VTI1A: variants seen among roughly 807,000 people sequenced by gnomAD.
VTI1A encodes the protein vesicle transport through interaction with t-SNAREs 1A, also known as vesicle transport through interaction with t-SNAREs homolog 1A.
Under a neutral mutation model 34.9 loss-of-function variants are expected in VTI1A, and 22 were observed. That is an observed-to-expected ratio of 0.63 (90% CI 0.45 to 0.90). The LOEUF (loss-of-function observed/expected upper bound fraction) is 0.90. Ranked by LOEUF, VTI1A falls within the 40% of genes least tolerant of loss-of-function variation. The pLI is 0.00. For missense variants in VTI1A, 268 were observed against 275.6 expected, an observed-to-expected ratio of 0.97 and a Z score of 0.20; for synonymous variants, 87 against 97.3, an observed-to-expected ratio of 0.89 and a Z score of 0.62.
intron 7 of VTI1A, among the ~76,000 whole-genome samples, chr10:112,772,778 G>A (rs1851849661): frequency 6.6e-6 from 1 of 152,158 alleles, no homozygotes; most frequent in African/African-American, 2.4e-5. Context: ...GTACAGCCAT[G>A]TTTTTGAAGG....
At chr10:112,513,445 T>G (rs1033887185) in intron 3 of VTI1A, among the ~76,000 whole-genome samples, 2 of 152,066 alleles carry the variant, frequency 1.3e-5, no homozygotes, top group African/African-American at 4.8e-5. Flanking sequence ...GGTGGCATCT[T>G]TAGGGTTTTC....
chr10:112,730,556 C>A (rs1163953987), intron 7 of VTI1A, among the ~76,000 whole-genome samples: 1 of 151,352 alleles, frequency 6.6e-6, no homozygotes, highest in Non-Finnish European at 1.5e-5. Flanking sequence ...CTATGTATTA[C>A]AACATCTACT....
chr10:112,453,953 C>T (rs1564782444), intron 1 of VTI1A, among the ~76,000 whole-genome samples: 1 of 152,170 alleles, frequency 6.6e-6, no homozygotes, highest in Non-Finnish European at 1.5e-5. Flanking sequence ...CATATGTAAT[C>T]ATTTGTATAT....
At chr10:112,660,881 A>G (rs1009077981) in intron 5 of VTI1A, among the ~76,000 whole-genome samples, 7 of 152,170 alleles carry the variant, frequency 4.6e-5, no homozygotes, top group Admixed American at 1.3e-4. Context: ...CTTTTGTGCT[A>G]GTTTTCATAC....
intron 3 of VTI1A, among the ~76,000 whole-genome samples, chr10:112,525,510 A>G (rs1215084783): frequency 1.3e-5 from 2 of 152,200 alleles, no homozygotes; most frequent in East Asian, 3.9e-4. Flanking sequence ...CAGTTTAACC[A>G]GAGCTACCTT....
intron 7 of VTI1A, among the ~76,000 whole-genome samples, chr10:112,704,895 C>T (rs752495492): frequency 6.6e-6 from 1 of 151,876 alleles, no homozygotes; most frequent in Non-Finnish European, 1.5e-5. Context: ...TTTTAATTTA[C>T]TTATTTTTCA....
intron 4 of VTI1A, among the ~76,000 whole-genome samples, chr10:112,532,602 C>T (rs1005223593): frequency 6.6e-6 from 1 of 152,012 alleles, no homozygotes; most frequent in Non-Finnish European, 1.5e-5. Flanking sequence ...AGTTAAACAG[C>T]TTGTTTTATC....
intron 3 of VTI1A, among the ~76,000 whole-genome samples, chr10:112,471,693 T>A (rs935986643): frequency 6.6e-6 from 1 of 152,074 alleles, no homozygotes. Context: ...AAAAAAAAAA[T>A]TAGAATTCCT....
chr10:112,447,034 AG>A, upstream of VTI1A: 7 of 300,106 alleles, frequency 2.3e-5, no homozygotes, highest in Admixed American at 8.2e-5. Context: ...GCCGATTCCC[AG>A]AACACGAAGG....
chr10:112,739,254 G>A (rs978080492), intron 7 of VTI1A, among the ~76,000 whole-genome samples: 2 of 152,080 alleles, frequency 1.3e-5, no homozygotes, highest in South Asian at 4.1e-4. Context: ...CCACTTGGGG[G>A]GTTGAACTCA....
chr10:112,675,614 A>C (rs1164870644), intron 7 of VTI1A, among the ~76,000 whole-genome samples: 1 of 152,224 alleles, frequency 6.6e-6, no homozygotes, highest in Non-Finnish European at 1.5e-5. Flanking sequence ...AGAACCGAGA[A>C]ATAACAACAC....
chr10:112,702,523 G>A (rs1849045273), intron 7 of VTI1A, among the ~76,000 whole-genome samples: 1 of 151,738 alleles, frequency 6.6e-6, no homozygotes, highest in Non-Finnish European at 1.5e-5. Flanking sequence ...AAGTTCAAGT[G>A]ATTCTTGTGC....
At chr10:112,618,524 T>TATATATATATATAGAGAGAGAG (rs748276058) in intron 5 of VTI1A, among the ~76,000 whole-genome samples, 4 of 34,580 alleles carry the variant, frequency 1.2e-4, no homozygotes, top group African/African-American at 1.6e-4. Context: ...TATATATATA[T>TATATATATATATAGAGAGAGAG]AGAGAGAGAG....
chr10:112,810,230 C>G (rs1391265827), intron 7 of VTI1A, among the ~76,000 whole-genome samples: 1 of 151,740 alleles, frequency 6.6e-6, no homozygotes, highest in Non-Finnish European at 1.5e-5. Flanking sequence ...CGGTGAAACC[C>G]CATCTCTACT....
At chr10:112,837,476 C>T in the VTI1A span, among the ~76,000 whole-genome samples, 1 of 152,198 alleles carries the variant, frequency 6.6e-6, no homozygotes, top group African/African-American at 2.4e-5. Flanking sequence ...CGTGGGAACC[C>T]TCCCCCACAG....
At chr10:112,689,648 G>C (rs1437080446) in intron 7 of VTI1A, among the ~76,000 whole-genome samples, 3 of 152,086 alleles carry the variant, frequency 2.0e-5, no homozygotes, top group African/African-American at 7.2e-5. Flanking sequence ...GTATTTCCTC[G>C]GGGCAGCTAA....
At chr10:112,486,758 C>T (rs551617893) in intron 3 of VTI1A, among the ~76,000 whole-genome samples, 108 of 140,794 alleles carry the variant, frequency 7.7e-4, no homozygotes, top group African/African-American at 2.7e-3. Context: ...AATAATGTTG[C>T]CTACAATAAC....
In VTI1A at chr10:112,576,027, T is replaced by C. The variant is rs866887498; in HGVS notation, c.427+37697T>C. On this transcript the variant is annotated intron_variant, in intron 5 of 7. Transcript: ENST00000393077. The stretch of plus-strand genomic sequence containing the variant: ...GCCTTTTCTTTTCTTTTCTTTTTTT[T>C]TTTTTTTTTTTGAGAGGGAGTCTCG... Among the ~76,000 whole-genome samples the C allele has an allele frequency of 6.2e-3, 904 of 146,676 alleles. 10 individuals are homozygous for C. The highest frequency in any genetic ancestry group is 0.021 in the African/African-American group (852 of 40,140).
At chr10:112,527,846 C>T (rs759692946) in intron 4 of VTI1A, among the ~76,000 whole-genome samples, 8 of 151,824 alleles carry the variant, frequency 5.3e-5, no homozygotes, top group Non-Finnish European at 8.8e-5. Context: ...TGGATCATAC[C>T]GTAGTGTCAT....
Sources: allele counts gnomAD v4.1 joint callset (sites outside exome capture counted in the v4.1 genomes callset), GRCh38; gene constraint gnomAD v4.1.1; transcripts MANE v1.5; gene names NCBI Gene and HGNC (gene_info 2026-07-23, HGNC 2026-07-21).